Variants in UNC45A observed in about 807,000 individuals in gnomAD.
UNC45A encodes the protein protein unc-45 homolog A.
A neutral mutation model predicts 103.2 loss-of-function variants in UNC45A; 78 were observed. The ratio of observed to expected loss-of-function variants is 0.76; its 90% confidence interval spans 0.63 to 0.91. The LOEUF is 0.91. Among genes scored for constraint, UNC45A ranks in the 40% least tolerant of loss-of-function variants. The pLI is 0.00. For synonymous variants in UNC45A, 495 were observed against 504.6 expected (o/e 0.98, Z 0.25); for missense variants, 1,193 against 1,224.8 (o/e 0.97, Z 0.39).
chr15:90,947,614 A>C, intron 10 of UNC45A, 182 bp from the exon 11 acceptor site: 1 of 604,318 alleles, frequency 1.7e-6, no homozygotes, highest in Non-Finnish European at 3.0e-6. Flanking sequence ...CGGCCACCCC[A>C]GTAGCTGATT....
intron 4 of UNC45A, among the ~76,000 whole-genome samples, chr15:90,937,594 C>G (rs1231056051): frequency 1.3e-5 from 2 of 151,186 alleles, no homozygotes; most frequent in Non-Finnish European, 2.9e-5. Context: ...TCAAGTGAGT[C>G]TCCTGCCTCA....
chr15:90,935,931 G>C lies in UNC45A; in HGVS notation c.214-15G>C, dbSNP rs767493224. 2.5e-6 allele frequency: 4 copies of C among 1,614,138 alleles called. No homozygotes were observed. The South Asian group carries it at 4.4e-5, about 18-fold the overall frequency. ...GAGATGACCATTCCTTCAGGCTCCTGTCTTTCTCTTACAGGAAGATTACGA... is the reference window on the plus strand; with the variant it reads ...GAGATGACCATTCCTTCAGGCTCCTCTCTTTCTCTTACAGGAAGATTACGA... On this transcript the variant is annotated splice_polypyrimidine_tract_variant and intron_variant, in intron 2 of 19. Coordinates refer to ENST00000418476, the MANE Select transcript of UNC45A (RefSeq NM_018671.5).
rs764140964 is a variant in UNC45A, at chr15:90,936,405, A to G, written c.371A>G (p.Lys124Arg). The change falls in exon 4 of 20, where the codon AAG becomes AGG. Residue 124 changes from lysine (K) to arginine (R), a missense_variant. Transcript: ENST00000418476. ...DLQRCVSLEP[K>R]NKVFQEALRN... Reference sequence around the variant, plus strand: ...CAGAGATGTGTGAGCTTGGAGCCCAAGAACAAAGTTTTCCAGGAGGCCTTG... The same window carrying G: ...CAGAGATGTGTGAGCTTGGAGCCCAGGAACAAAGTTTTCCAGGAGGCCTTG... 1.5e-5 allele frequency: 24 copies of G among 1,614,120 alleles called. No homozygotes were observed. The highest frequency in any genetic ancestry group is 2.7e-5 in the African/African-American group (2 of 74,948).
chr15:90,933,937 G>A (rs2035892175), upstream of UNC45A: 1 of 397,444 alleles, frequency 2.5e-6, no homozygotes, highest in African/African-American at 2.1e-5. Flanking sequence ...GGTGCCCAAG[G>A]GCCTTGGGGC....
chr15:90,946,051 G>A (rs1421052932), intron 9 of UNC45A, among the ~76,000 whole-genome samples: 1 of 147,878 alleles, frequency 6.8e-6, no homozygotes, highest in East Asian at 2.1e-4. Context: ...TCAGGAGTTC[G>A]AGACCAGCCT....
At position 90,936,409 on chromosome 15, in the gene UNC45A, C is replaced by T; in HGVS notation, c.375C>T (p.Asn125=). 2 of 1,614,196 alleles carry T rather than the reference C, an allele frequency of 1.2e-6. No homozygotes were observed. The highest frequency in any genetic ancestry group is 1.7e-6 in the Non-Finnish European group (2 of 1,180,036). The change falls in exon 4 of 20, where the codon AAC becomes AAT. Residue 125 remains asparagine, a synonymous_variant. Coordinates refer to ENST00000418476, the MANE Select transcript of UNC45A (RefSeq NM_018671.5). ...LQRCVSLEPK[N]KVFQEALRNI... is the part of the protein sequence containing the mutation. ...GATGTGTGAGCTTGGAGCCCAAGAA[C>T]AAAGTTTTCCAGGAGGCCTTGCGGA...
At chr15:90,935,498 C>T in intron 1 of UNC45A, 46 bp from the exon 2 acceptor site, 3 of 1,575,062 alleles carry the variant, frequency 1.9e-6, no homozygotes, top group Non-Finnish European at 2.6e-6. Flanking sequence ...CTCCCGGGCT[C>T]TGCCCCGAAC....
In UNC45A at chr15:90,939,697, C is replaced by T. The variant is rs528948051; in HGVS notation, c.427-34C>T. On this transcript the variant is annotated intron_variant, in intron 4 of 19. Coordinates refer to ENST00000418476, the MANE Select transcript of UNC45A (RefSeq NM_018671.5). ...GAGTGTGATGTCTCTGGCCAAGAGC[C>T]GTGATTTGTTCCATGCTTTGTTGGT... is the stretch of plus-strand genomic sequence containing the variant. 1.2e-4 allele frequency: 189 copies of T among 1,610,234 alleles called. No homozygotes were observed. The South Asian group carries it at 1.5e-3, about 13-fold the overall frequency.
At chr15:90,942,249 A>C (rs1450255542) in intron 6 of UNC45A, among the ~76,000 whole-genome samples, 188 bp from the exon 7 acceptor site, 1 of 152,156 alleles carries the variant, frequency 6.6e-6, no homozygotes, top group African/African-American at 2.4e-5. Context: ...CCTTTAGGAA[A>C]TCTTTCTAAC....
At position 90,950,253 on chromosome 15, in the gene UNC45A, T is replaced by C; in HGVS notation, c.2173T>C (p.Phe725Leu). Residue 725 changes from phenylalanine (F) to leucine (L), a missense_variant, in exon 16 of 20, where the codon TTC (phenylalanine) becomes CTC (leucine). Physicochemically the swap from Phe to Leu is conservative, Grantham distance 22. Coordinates refer to ENST00000418476, the MANE Select transcript of UNC45A (RefSeq NM_018671.5). ...LTITSNPEMT[F>L]PGERIYEVVR... ...CATCACCTCCAACCCGGAGATGACC[T>C]TCCCTGGCGAGCGGGTACGTGTCTT... The C allele has an allele frequency of 6.4e-7, 1 of 1,551,720 alleles. No individual in the cohort carries two copies. The highest frequency in any genetic ancestry group is 8.7e-7 in the Non-Finnish European group (1 of 1,146,984).
intron 1 of UNC45A, 26 bp from the exon 2 acceptor site, chr15:90,935,518 C>G (rs745968983): frequency 6.3e-7 from 1 of 1,578,254 alleles, no homozygotes; most frequent in Non-Finnish European, 8.6e-7. Flanking sequence ...CCCCCTCCGA[C>G]GTTTCCGCCC....
rs2036702857 is a variant in UNC45A at position 90,948,552 on chromosome 15, G to A, written c.1738-102G>A. 2.2e-5 allele frequency: 34 copies of A among 1,531,244 alleles called. No individual in the cohort carries two copies. The South Asian group carries it at 4.0e-4, about 18-fold the overall frequency. 94.9% of individuals were successfully genotyped at this position (1,531,244 alleles called of 1,614,324 possible). ...TCCCGAATTCATCCTGTACCCAAGG[G>A]TCCCAGCTGAGGGTGGAATTGGGGG... On this transcript the variant is annotated intron_variant, in intron 12 of 19. Coordinates refer to ENST00000418476, the MANE Select transcript of UNC45A (RefSeq NM_018671.5).
At chr15:90,949,553 G>GCAGCCTTAGTGCTCTTA in intron 14 of UNC45A, 101 bp from the exon 15 acceptor site, 1 of 1,599,544 alleles carries the variant, frequency 6.3e-7, no homozygotes, top group Non-Finnish European at 8.5e-7. Context: ...TAGAGCGACG[G>GCAGCCTTAGTGCTCTTA]GGGCTGCCTG....
intron 16 of UNC45A, 41 bp from the exon 17 acceptor site, chr15:90,950,459 G>T (rs1461185329): frequency 6.2e-7 from 1 of 1,601,062 alleles, no homozygotes; most frequent in Admixed American, 1.7e-5. Flanking sequence ...GCTTGTGGGG[G>T]CTGCGGCAAG....
rs866254956 is a variant in UNC45A at position 90,936,493 on chromosome 15, G to A, written c.426+33G>A. 1.6e-5 allele frequency: 26 copies of A among 1,608,418 alleles called. No homozygotes were observed. The Middle Eastern group carries it at 8.3e-4, about 51-fold the overall frequency. ...AGTGACCCAGAGAGGTGGAAGCATTGACTGGTGGTGAAGGGGTCTGGGCCA... is the reference window on the plus strand; with the variant it reads ...AGTGACCCAGAGAGGTGGAAGCATTAACTGGTGGTGAAGGGGTCTGGGCCA... On this transcript the variant is annotated intron_variant, in intron 4 of 19. Coordinates refer to ENST00000418476, the MANE Select transcript of UNC45A (RefSeq NM_018671.5).
At chr15:90,945,430 C>G (rs2036514957) in intron 9 of UNC45A, among the ~76,000 whole-genome samples, 1 of 149,586 alleles carries the variant, frequency 6.7e-6, no homozygotes, top group African/African-American at 2.5e-5. Context: ...GGCATGATCT[C>G]AGGTCACCAC....
upstream of UNC45A, chr15:90,931,001 A>G (rs935860859): frequency 4.2e-5 from 18 of 429,930 alleles, no homozygotes; most frequent in Non-Finnish European, 4.3e-6. Flanking sequence ...CTGAGGGGCC[A>G]GAGATCCCAC....
chr15:90,935,367 A>T lies in UNC45A; in HGVS notation c.43A>T (p.Thr15Ser), dbSNP rs1222159989. ...AGGGACCCCCGAGCCCCGGCCGGCC[A>T]CCCCCGGGGTGCGTACCCAACCCCC... ...GPGTPEPRPA[T>S]PGASSVEQLR... is the part of the protein sequence containing the mutation. The change falls in exon 1 of 20, where the codon ACC becomes TCC. Residue 15 changes from threonine (T) to serine (S), a missense_variant. Coordinates refer to ENST00000418476, the MANE Select transcript of UNC45A (RefSeq NM_018671.5). 3 of 1,585,244 alleles carry T rather than the reference A, an allele frequency of 1.9e-6. No individual in the cohort carries two copies. Among genetic ancestry groups the T allele is most frequent in the Non-Finnish European group, 2.6e-6 (3 of 1,168,450 alleles).
rs1222876264 is a variant in UNC45A at position 90,940,486 on chromosome 15, G to A, written c.687+13G>A. 2 of 1,605,942 alleles carry A rather than the reference G, an allele frequency of 1.2e-6. No individual in the cohort carries two copies. Among genetic ancestry groups the A allele is most frequent in the Non-Finnish European group, 1.7e-6 (2 of 1,174,372 alleles). On this transcript the variant is annotated intron_variant, in intron 6 of 19. Coordinates refer to ENST00000418476, the MANE Select transcript of UNC45A (RefSeq NM_018671.5). The stretch of plus-strand genomic sequence containing the variant: ...GCATCAGTCACGGGTAGGTGGAGTG[G>A]AGAGGCTGGTTACAGCTTCAGTCCC...
Sources: gnomAD v4.1 joint callset for allele counts (sites outside exome capture counted in the v4.1 genomes callset) on GRCh38, gnomAD v4.1.1 for gene constraint, MANE v1.5 for transcripts, NCBI Gene and HGNC (gene_info 2026-07-23, HGNC 2026-07-21) for gene names.